MEF2A: variants seen among roughly 807,000 people sequenced by gnomAD.
The protein encoded by MEF2A is myocyte-specific enhancer factor 2A.
A neutral mutation model predicts 55.8 loss-of-function variants in MEF2A; 28 were observed. The observed-to-expected ratio is 0.50, with a 90% CI of 0.37 to 0.69. The LOEUF (loss-of-function observed/expected upper bound fraction) is 0.69, where lower values mean the gene tolerates loss of function less well. Ranked by LOEUF, MEF2A falls within the 30% of genes least tolerant of loss-of-function variation. The pLI is 0.00. For missense variants in MEF2A, 528 were observed against 626.2 expected (o/e 0.84, Z 1.67); for synonymous variants, 239 against 227.1 (o/e 1.05, Z -0.47).
At chr15:99,607,403 GAATA>G (rs1230339401) in intron 2 of MEF2A, among the ~76,000 whole-genome samples, 1 of 152,110 alleles carries the variant, frequency 6.6e-6, no homozygotes, top group African/African-American at 2.4e-5. Flanking sequence ...ATATTTGACT[GAATA>G]AATATTGATA....
intron 2 of MEF2A, among the ~76,000 whole-genome samples, chr15:99,606,658 C>T (rs1043170094): frequency 1.3e-5 from 2 of 151,762 alleles, no homozygotes; most frequent in African/African-American, 2.4e-5. Context: ...CTGGGAAATG[C>T]GAATTAAAAA....
At chr15:99,653,556 C>T (rs1027226142) in intron 4 of MEF2A, among the ~76,000 whole-genome samples, 3 of 152,072 alleles carry the variant, frequency 2.0e-5, no homozygotes, top group South Asian at 2.1e-4. Flanking sequence ...AAATTTCTAA[C>T]GTGTTTCACT....
intron 3 of MEF2A, among the ~76,000 whole-genome samples, chr15:99,643,834 G>A (rs145133473): frequency 9.2e-5 from 14 of 152,060 alleles, no homozygotes; most frequent in African/African-American, 1.9e-4. Context: ...CTCGTGATTC[G>A]CCTGCCTCAG....
intron 3 of MEF2A, among the ~76,000 whole-genome samples, chr15:99,642,660 C>A (rs139445426): frequency 6.6e-6 from 1 of 152,116 alleles, no homozygotes; most frequent in African/African-American, 2.4e-5. Context: ...AAATTATTTT[C>A]TTTATTTATT....
At position 99,654,826 on chromosome 15, in the gene MEF2A, CTA is replaced by C. The variant is rs756278422; in HGVS notation, c.258+9064_258+9065del. 5.6e-4 allele frequency among the ~76,000 whole-genome samples: 86 copies of C among 152,220 alleles called. 1 individual carries two copies. The highest frequency in any genetic ancestry group is 1.3e-3 in the African/African-American group (56 of 41,542). ...TGCTGTCCAATATAGTAGCCATTAACTATGTGTAGTTATTGAGTGTGTAGTGC... is the reference window on the plus strand; with the variant it reads ...TGCTGTCCAATATAGTAGCCATTAACTGTGTAGTTATTGAGTGTGTAGTGC... On this transcript the variant is annotated intron_variant, in intron 4 of 11. Transcript: ENST00000557942.
chr15:99,634,929 A>G (rs886369091), intron 3 of MEF2A, among the ~76,000 whole-genome samples: 10 of 152,382 alleles, frequency 6.6e-5, no homozygotes, highest in African/African-American at 1.9e-4. Flanking sequence ...AGACACAGAA[A>G]CAATTTGTCA....
intron 7 of MEF2A, chr15:99,678,579 ATTTGCCTTGTTCGTAT>A (rs938431655): frequency 1.2e-6 from 1 of 824,404 alleles, no homozygotes; most frequent in African/African-American, 1.8e-5. Context: ...CGAGTCTTCC[ATTTGCCTTGTTCGTAT>A]TTTAATTTTT....
intron 1 of MEF2A, among the ~76,000 whole-genome samples, chr15:99,570,158 A>G (rs1961536980): frequency 6.6e-6 from 1 of 152,176 alleles, no homozygotes; most frequent in Admixed American, 6.5e-5. Flanking sequence ...GGAATACCAT[A>G]TTTAAACATT....
Position 99,690,281 on chromosome 15 carries a change from T to G in MEF2A, c.711T>G (p.Ile237Met), listed in dbSNP as rs756832092. 7 of 1,613,774 alleles carry G rather than the reference T, an allele frequency of 4.3e-6. No homozygotes were observed. In the Admixed American group the frequency reaches 1.0e-4, roughly 23 times the overall value. Residue 237 changes from isoleucine (I) to methionine (M), a missense_variant, in exon 8 of 12, where the codon ATT (isoleucine) becomes ATG (methionine). Around this residue, in one of 2 missense-constraint regions of MEF2A, gnomAD observed 450 missense variants for 475.3 expected, o/e 0.95. Coordinates refer to ENST00000557942, the MANE Select transcript of MEF2A (RefSeq NM_001319206.4). The part of the protein sequence containing the change: ...FVNSRASPNL[I>M]GATGANSLGK... ...ACTCAAGAGCTTCTCCAAATTTGATTGGAGCTACTGGTGCAAATAGCTTAG... is the reference window on the plus strand; with the variant it reads ...ACTCAAGAGCTTCTCCAAATTTGATGGGAGCTACTGGTGCAAATAGCTTAG...
At position 99,692,456 on chromosome 15, in the gene MEF2A, AACTGGCCCAGAT is replaced by A. The variant is rs368311633; in HGVS notation, c.858+2032_858+2043del. On this transcript the variant is annotated intron_variant, in intron 8 of 11. Coordinates refer to ENST00000557942, the MANE Select transcript of MEF2A (RefSeq NM_001319206.4). ...ATAGTGCTGAGATTTCACGGCAACC[AACTGGCCCAGAT>A]ACTCCAGAGTCAAAGACACTGTAAG... is the stretch of plus-strand genomic sequence containing the variant. 1.6e-3 allele frequency among the ~76,000 whole-genome samples: 249 copies of A among 152,344 alleles called. 1 individual carries two copies. The highest frequency in any genetic ancestry group is 5.8e-3 in the African/African-American group (242 of 41,578).
intron 1 of MEF2A, among the ~76,000 whole-genome samples, chr15:99,571,192 A>C (rs542322725): frequency 1.9e-4 from 29 of 151,948 alleles, no homozygotes; most frequent in African/African-American, 6.8e-4. Context: ...TCCAAAAAAA[A>C]AAAAACAACA....
At chr15:99,687,650 C>T (rs2153704088) in intron 7 of MEF2A, among the ~76,000 whole-genome samples, 1 of 152,220 alleles carries the variant, frequency 6.6e-6, no homozygotes, top group African/African-American at 2.4e-5. Flanking sequence ...GTAGTTAATC[C>T]CACAAAGGCT....
At chr15:99,592,066 C>T (rs1034418489) in intron 1 of MEF2A, among the ~76,000 whole-genome samples, 8 of 151,916 alleles carry the variant, frequency 5.3e-5, no homozygotes, top group African/African-American at 1.7e-4. Flanking sequence ...TTGATTTCCT[C>T]TGAAGAGATT....
chr15:99,607,799 G>A (rs1173118649), intron 2 of MEF2A, among the ~76,000 whole-genome samples: 1 of 152,130 alleles, frequency 6.6e-6, no homozygotes, highest in East Asian at 1.9e-4. Context: ...TTAATCTGAG[G>A]ATGAAAGAGC....
chr15:99,599,078 T>G (rs1972153736), intron 2 of MEF2A, among the ~76,000 whole-genome samples: 1 of 152,108 alleles, frequency 6.6e-6, no homozygotes, highest in Non-Finnish European at 1.5e-5. Flanking sequence ...CTATTTTGAT[T>G]AAAAAACTTA....
At chr15:99,625,952 A>G (rs2041978299) in intron 2 of MEF2A, among the ~76,000 whole-genome samples, 1 of 152,072 alleles carries the variant, frequency 6.6e-6, no homozygotes, top group Non-Finnish European at 1.5e-5. Context: ...TGATTTTGGT[A>G]TTAGGGCAAT....
intron 3 of MEF2A, among the ~76,000 whole-genome samples, chr15:99,635,586 C>A (rs2043659925): frequency 6.6e-6 from 1 of 152,122 alleles, no homozygotes; most frequent in African/African-American, 2.4e-5. Context: ...GCACTCTATC[C>A]TGTCTCCCAG....
chr15:99,603,953 A>T (rs1486906898), intron 2 of MEF2A, among the ~76,000 whole-genome samples: 1 of 152,032 alleles, frequency 6.6e-6, no homozygotes, highest in Admixed American at 6.6e-5. Flanking sequence ...AAGGGTTTTT[A>T]TGTTTTCTTG....
At position 99,678,995 on chromosome 15, in the gene MEF2A, A is replaced by G. The variant is rs570647177; in HGVS notation, c.670+3537A>G. Among the ~76,000 whole-genome samples the G allele has an allele frequency of 3.3e-5, 5 of 152,356 alleles. No homozygotes were observed. In the South Asian group the frequency reaches 1.0e-3, roughly 32 times the overall value. On this transcript the variant is annotated intron_variant, in intron 7 of 11. Transcript: ENST00000557942. ...GTCTGATAAATGTGAAGAAATGCTC[A>G]GTCTCAGTAGTCATGGAAATGCAAA...
Sources: gnomAD v4.1 joint callset for allele counts (sites outside exome capture counted in the v4.1 genomes callset) on GRCh38, gnomAD v4.1.1 for gene constraint, gnomAD v4.1.1 regional missense constraint, MANE v1.5 for transcripts, NCBI Gene and HGNC (gene_info 2026-07-23, HGNC 2026-07-21) for gene names.